The following MAGI2 variants were observed in gnomAD, a reference collection of about 807,000 sequenced individuals.
MAGI2 encodes the protein membrane associated guanylate kinase, WW and PDZ domain containing 2.
MAGI2 carries 35 observed loss-of-function variants against 133.3 expected under a neutral mutation model. The ratio of observed to expected loss-of-function variants is 0.26; its 90% CI spans 0.20 to 0.35. The LOEUF is 0.35. Among genes scored for constraint, MAGI2 ranks in the 10% least tolerant of loss-of-function variants. The pLI, the probability that MAGI2 is intolerant of heterozygous loss-of-function variation, is 1.00. For missense variants in MAGI2, 1,636 were observed against 1,863.4 expected (o/e 0.88, Z 2.25); for synonymous variants, 729 against 710.6 (o/e 1.03, Z -0.41).
intron 6 of MAGI2, among the ~76,000 whole-genome samples, chr7:78,428,410 C>T (rs967532198): frequency 1.3e-5 from 2 of 152,072 alleles, no homozygotes; most frequent in African/African-American, 4.8e-5. Flanking sequence ...ATCCTTGTTC[C>T]AGTGATGAAT....
intron 1 of MAGI2, among the ~76,000 whole-genome samples, chr7:79,197,362 G>T (rs1479600111): frequency 6.6e-6 from 1 of 151,942 alleles, no homozygotes; most frequent in Non-Finnish European, 1.5e-5. Flanking sequence ...TTAAGAAAGT[G>T]GGCCAAAGTA....
chr7:78,854,573 T>C (rs1793460233), intron 2 of MAGI2, among the ~76,000 whole-genome samples: 1 of 152,094 alleles, frequency 6.6e-6, no homozygotes. Flanking sequence ...GTTATAATTA[T>C]GAGTGATTCA....
intron 6 of MAGI2, among the ~76,000 whole-genome samples, chr7:78,388,297 G>GTCATCATCA (rs59287109): frequency 9.2e-6 from 1 of 108,892 alleles, no homozygotes; most frequent in Admixed American, 8.1e-5. Flanking sequence ...CATCATCATC[G>GTCATCATCA]TCATCATCAT....
chr7:78,513,109 T>G (rs1795744334), intron 4 of MAGI2, among the ~76,000 whole-genome samples: 1 of 152,104 alleles, frequency 6.6e-6, no homozygotes, highest in Admixed American at 6.5e-5. Flanking sequence ...CAACATTTCT[T>G]AGAGCTTGCC....
chr7:78,883,641 C>CA (rs1796047643), intron 2 of MAGI2, among the ~76,000 whole-genome samples: 1 of 152,012 alleles, frequency 6.6e-6, no homozygotes, highest in African/African-American at 2.4e-5. Flanking sequence ...CTACAGTAAC[C>CA]ATAACAGAAT....
intron 1 of MAGI2, among the ~76,000 whole-genome samples, chr7:79,123,660 C>A (rs1275087675): frequency 6.6e-6 from 1 of 151,638 alleles, no homozygotes; most frequent in African/African-American, 2.4e-5. Context: ...GTGGGGTGTG[C>A]CTGTAATCCC....
intron 1 of MAGI2, among the ~76,000 whole-genome samples, chr7:79,019,658 C>T (rs931747640): frequency 6.6e-6 from 1 of 151,992 alleles, no homozygotes; most frequent in Admixed American, 6.6e-5. Flanking sequence ...AATTCTCCTG[C>T]CTCAGCCTCC....
chr7:79,062,073 A>G (rs1266080519), intron 1 of MAGI2, among the ~76,000 whole-genome samples: 1 of 152,100 alleles, frequency 6.6e-6, no homozygotes, highest in African/African-American at 2.4e-5. Context: ...TTATTTGATT[A>G]CAATTGCCAC....
Position 78,666,962 on chromosome 7 carries a change from A to C in MAGI2, c.419-39723T>G, listed in dbSNP as rs1292635708. 2.6e-5 allele frequency among the ~76,000 whole-genome samples: 4 copies of C among 152,130 alleles called. No individual in the cohort carries two copies. The East Asian group carries it at 7.7e-4, about 29-fold the overall frequency. ...AGTAAGACCTACTATATATGGGAAA[A>C]ATTCTTAAAGACTATGGAGACTATA... On this transcript the variant is annotated intron_variant, in intron 2 of 21. Transcript: ENST00000354212.
chr7:78,503,869 G>A (rs1563093774), intron 4 of MAGI2, among the ~76,000 whole-genome samples: 1 of 151,646 alleles, frequency 6.6e-6, no homozygotes, highest in Admixed American at 6.6e-5. Flanking sequence ...CACCATGATT[G>A]TAAGTTTCCT....
intron 9 of MAGI2, among the ~76,000 whole-genome samples, chr7:78,317,077 C>G (rs1192973075): frequency 1.3e-5 from 2 of 152,160 alleles, no homozygotes; most frequent in Non-Finnish European, 2.9e-5. Context: ...ACTGTCAGCC[C>G]TCTTGGAATT....
At chr7:78,205,511 A>T (rs1048921754) in intron 10 of MAGI2, among the ~76,000 whole-genome samples, 1 of 152,214 alleles carries the variant, frequency 6.6e-6, no homozygotes, top group Non-Finnish European at 1.5e-5. Flanking sequence ...ATTTTGGAGA[A>T]AACAATGAAT....
Position 78,079,090 on chromosome 7 carries a change from T to G in MAGI2, c.3568-5A>C. On this transcript the variant is annotated splice_polypyrimidine_tract_variant and splice_region_variant and intron_variant, in intron 20 of 21. Transcript: ENST00000354212. Reference sequence around the variant, plus strand: ...TTCAATGATTTGATCTCCTACCTGTTGATTAAAGAAAAATTAAGTCAGCCA... The same window carrying G: ...TTCAATGATTTGATCTCCTACCTGTGGATTAAAGAAAAATTAAGTCAGCCA... 6.2e-7 allele frequency: 1 copy of G among 1,612,158 alleles called. No homozygotes were observed. The highest frequency in any genetic ancestry group is 8.5e-7 in the Non-Finnish European group (1 of 1,179,596).
At chr7:78,119,896 A>G (rs1236868307) in intron 20 of MAGI2, among the ~76,000 whole-genome samples, 1 of 152,240 alleles carries the variant, frequency 6.6e-6, no homozygotes, top group Non-Finnish European at 1.5e-5. Context: ...CAAGAGTAAA[A>G]ATAAAACACA....
At chr7:78,812,545 G>A (rs1282206700) in intron 2 of MAGI2, among the ~76,000 whole-genome samples, 6 of 151,650 alleles carry the variant, frequency 4.0e-5, no homozygotes, top group Non-Finnish European at 7.4e-5. Context: ...GCGGTGTGCT[G>A]GGACAACATT....
At chr7:79,411,791 A>G (rs1414191539) in intron 1 of MAGI2, 1 of 152,084 alleles carries the variant, frequency 6.6e-6, no homozygotes, top group Non-Finnish European at 1.5e-5. Context: ...TTTTATTCCC[A>G]TAACCATTTT....
At chr7:78,755,828 A>G (rs1823892269) in intron 2 of MAGI2, among the ~76,000 whole-genome samples, 1 of 152,230 alleles carries the variant, frequency 6.6e-6, no homozygotes, top group Non-Finnish European at 1.5e-5. Flanking sequence ...CTCAATAAAC[A>G]AATTTGCCAT....
At chr7:78,733,941 C>T (rs1821605165) in intron 2 of MAGI2, among the ~76,000 whole-genome samples, 2 of 152,102 alleles carry the variant, frequency 1.3e-5, no homozygotes, top group South Asian at 2.1e-4. Flanking sequence ...TGATAAGCAA[C>T]AAAATAGCAA....
chr7:78,183,389 C>T (rs1177550018), intron 13 of MAGI2, among the ~76,000 whole-genome samples: 1 of 151,526 alleles, frequency 6.6e-6, no homozygotes, highest in East Asian at 1.9e-4. Flanking sequence ...CCTCAGCTTC[C>T]CGAGTAGCTG....
Sources: gnomAD v4.1 joint callset for allele counts (sites outside exome capture counted in the v4.1 genomes callset) on GRCh38, gnomAD v4.1.1 for gene constraint, MANE v1.5 for transcripts, NCBI Gene and HGNC (gene_info 2026-07-23, HGNC 2026-07-21) for gene names.